ERRFI1: variants seen among roughly 807,000 people sequenced by gnomAD.
ERRFI1 encodes the protein mitogen-inducible gene 6 protein.
In ERRFI1, 12 loss-of-function variants were observed where a neutral mutation model predicts 14.6. The observed-to-expected ratio is 0.82, with a 90% CI of 0.53 to 1.33. ERRFI1 has a LOEUF of 1.33. Ranked by LOEUF, ERRFI1 falls within the 40% of genes most tolerant of loss-of-function variation. The pLI, the probability that ERRFI1 is intolerant of heterozygous loss-of-function variation, is 0.00. For synonymous variants in ERRFI1, 202 were observed against 209.9 expected (o/e 0.96, Z 0.32); for missense variants, 482 against 572.1 (o/e 0.84, Z 1.61).
rs1641127934 is a variant in ERRFI1, at chr1:8,013,762, G to A, written c.837C>T (p.Asp279=). ...IHRASPNSDE[D]KPEVPPRVPI... is the part of the protein sequence containing the mutation. Reference sequence around the variant, plus strand: ...GAACTCTGGGGGGAACCTCAGGTTTGTCTTCATCGGAGTTAGGAGAAGCTC... The same window carrying A: ...GAACTCTGGGGGGAACCTCAGGTTTATCTTCATCGGAGTTAGGAGAAGCTC... The change falls in exon 4 of 4, where the codon GAC becomes GAT. Residue 279 remains aspartate (D), a synonymous_variant. Transcript: ENST00000377482. This position sits in a 1 kb window ranked among gnomAD's most constrained non-coding sequence, Gnocchi z 4.3. The A allele has an allele frequency of 1.2e-6, 2 of 1,614,060 alleles. No individual in the cohort carries two copies. The highest frequency in any genetic ancestry group is 2.2e-5 in the East Asian group (1 of 44,898).
rs1422720419 is a variant in ERRFI1, at chr1:8,013,734, T to C, written c.865A>G (p.Ile289Val). The change falls in exon 4 of 4, where the codon ATA (isoleucine) becomes GTA (valine). Residue 289 changes from isoleucine to valine, a missense_variant. Ile to Val is a conservative substitution (Grantham distance 29, BLOSUM62 3). Transcript: ENST00000377482. The surrounding 1 kb of genome is among the most constrained non-coding windows in gnomAD (Gnocchi z 4.3). ...TCTGGCTTTACTGGTCTAGGAGGTA[T>C]GGGAACTCTGGGGGGAACCTCAGGT... ...DKPEVPPRVP[I>V]PPRPVKPDYR... 2 of 1,614,146 alleles carry C rather than the reference T, an allele frequency of 1.2e-6. No homozygotes were observed. Among genetic ancestry groups the C allele is most frequent in the Admixed American group, 1.7e-5 (1 of 60,000 alleles).
In ERRFI1 at chr1:8,013,465, G is replaced by A. The variant is rs2124055621; in HGVS notation, c.1134C>T (p.Cys378=). The change falls in exon 4 of 4, where the codon TGC becomes TGT. Residue 378 remains cysteine, a synonymous_variant. Transcript: ENST00000377482. This position sits in a 1 kb window ranked among gnomAD's most constrained non-coding sequence, Gnocchi z 4.3. ...NSEGSASKVP[C]ILPIIENGKK... is the part of the protein sequence containing the mutation. ...TCCCATTTTCAATAATGGGCAGAAT[G>A]CAAGGAACCTTACTGGCAGATCCTT... 1 of 1,614,172 alleles carries A rather than the reference G, an allele frequency of 6.2e-7. No homozygotes were observed. Among genetic ancestry groups the A allele is most frequent in the Non-Finnish European group, 8.5e-7 (1 of 1,180,020 alleles).
Position 8,015,539 on chromosome 1 carries a change from C to G in ERRFI1, c.81G>C (p.Gly27=). ...TGCTCCAGTAGGTCTTCCTCATATT[C>G]CCCATGGCTCGGCCATTATGTAGAA... ...TGFLHNGRAM[G]NMRKTYWSSR... The change falls in exon 2 of 4, where the codon GGG becomes GGC. Residue 27 remains glycine (G), a synonymous_variant. Transcript: ENST00000377482. The G allele has an allele frequency of 6.2e-7, 1 of 1,614,168 alleles. No homozygotes were observed. The highest frequency in any genetic ancestry group is 8.5e-7 in the Non-Finnish European group (1 of 1,180,010).
In ERRFI1 at chr1:8,013,555, C is replaced by T. The variant is rs138370554; in HGVS notation, c.1044G>A (p.Pro348=). 42 of 1,613,878 alleles carry T rather than the reference C, an allele frequency of 2.6e-5. No homozygotes were observed. Among genetic ancestry groups the T allele is most frequent in the South Asian group, 1.9e-4 (17 of 91,064 alleles). ...TGGGATCAGGGGCAAAGCTCTGTGTCGGGGGCATGACCCCATTGAGGTAAG... is the reference window on the plus strand; with the variant it reads ...TGGGATCAGGGGCAAAGCTCTGTGTTGGGGGCATGACCCCATTGAGGTAAG... ...LPSYLNGVMP[P]TQSFAPDPKY... Residue 348 remains proline, a synonymous_variant, in exon 4 of 4, where the codon CCG becomes CCA. Coordinates refer to ENST00000377482, the MANE Select transcript of ERRFI1 (RefSeq NM_018948.4). This position sits in a 1 kb window ranked among gnomAD's most constrained non-coding sequence, Gnocchi z 4.3.
rs762102577 is a variant in ERRFI1, at chr1:8,015,482, A to G, written c.125+13T>C. The G allele has an allele frequency of 8.7e-6, 14 of 1,614,008 alleles. No homozygotes were observed. In the South Asian group the frequency reaches 1.4e-4, roughly 16 times the overall value. ...TTTATCCAGATTACAGCAGCATTACATCCTCTACTTACTTTTTAAACTCAC... is the reference window on the plus strand; with the variant it reads ...TTTATCCAGATTACAGCAGCATTACGTCCTCTACTTACTTTTTAAACTCAC... On this transcript the variant is annotated intron_variant, in intron 2 of 3. Transcript: ENST00000377482.
chr1:8,022,138 C>G (rs1170504306), intron 1 of ERRFI1, among the ~76,000 whole-genome samples: 2 of 152,154 alleles, frequency 1.3e-5, no homozygotes, highest in African/African-American at 4.8e-5. Context: ...GTTAAGGCAT[C>G]AATTTGACAT....
In ERRFI1 at chr1:8,014,291, A is replaced by C. The variant is rs761633767; in HGVS notation, c.308T>G (p.Leu103Trp). 4 of 1,614,098 alleles carry C rather than the reference A, an allele frequency of 2.5e-6. No individual in the cohort carries two copies. Among genetic ancestry groups the C allele is most frequent in the Non-Finnish European group, 3.4e-6 (4 of 1,179,966 alleles). ...AACTTGATCCTCTTCATGTGGTCCCAAGTTTTCACTTGGGGGAATAAGAAG... is the reference window on the plus strand; with the variant it reads ...AACTTGATCCTCTTCATGTGGTCCCCAGTTTTCACTTGGGGGAATAAGAAG... ...PPLLIPPSEN[L>W]GPHEEDQVVC... The change falls in exon 4 of 4, where the codon TTG becomes TGG. Residue 103 changes from leucine (L) to tryptophan (W), a missense_variant. Physicochemically the swap from Leu to Trp is moderately conservative, Grantham distance 61. Coordinates refer to ENST00000377482, the MANE Select transcript of ERRFI1 (RefSeq NM_018948.4).
chr1:8,014,018 T>C lies in ERRFI1; in HGVS notation c.581A>G (p.Asp194Gly). The change falls in exon 4 of 4, where the codon GAT becomes GGT. Residue 194 changes from aspartate to glycine, a missense_variant. By Grantham distance (94) the Asp-to-Gly change is moderately conservative. Coordinates refer to ENST00000377482, the MANE Select transcript of ERRFI1 (RefSeq NM_018948.4). ...ACGGAAGCTTCGCCTGCCAGGAACATCATATTTGAAATCAGAAAGTGTAGA... is the reference window on the plus strand; with the variant it reads ...ACGGAAGCTTCGCCTGCCAGGAACACCATATTTGAAATCAGAAAGTGTAGA... Reference protein sequence around the residue: ...EDSTLSDFKYDVPGRRSFRGC... With the variant: ...EDSTLSDFKYGVPGRRSFRGC... 3 of 1,614,106 alleles carry C rather than the reference T, an allele frequency of 1.9e-6. No homozygotes were observed. The highest frequency in any genetic ancestry group is 1.7e-6 in the Non-Finnish European group (2 of 1,180,030).
intron 1 of ERRFI1, among the ~76,000 whole-genome samples, chr1:8,021,496 T>C (rs1488426804): frequency 2.0e-5 from 3 of 152,188 alleles, no homozygotes; most frequent in African/African-American, 7.2e-5. Context: ...CATATAACAA[T>C]AGATTATTTC....
chr1:8,013,093 G>A lies in ERRFI1; in HGVS notation c.*117C>T. On this transcript the variant is annotated 3_prime_UTR_variant, in exon 4 of 4. Transcript: ENST00000377482. The surrounding 1 kb of genome is among the most constrained non-coding windows in gnomAD (Gnocchi z 4.3). ...GCTCTAAACCTTCCACATGAAGACA[G>A]AGAGTTCAACTATTTTATTTTGCAA... is the stretch of plus-strand genomic sequence containing the variant. 1 of 871,096 alleles carries A rather than the reference G, an allele frequency of 1.1e-6. No individual in the cohort carries two copies. The highest frequency in any genetic ancestry group is 1.8e-6 in the Non-Finnish European group (1 of 570,172). 54.0% of individuals were successfully genotyped at this position (871,096 alleles called of 1,614,324 possible). A position where few individuals can be genotyped will look rare whatever the true frequency, so the allele number is the denominator to read the frequency against.
chr1:8,020,521 T>C (rs1336584618), intron 1 of ERRFI1, among the ~76,000 whole-genome samples: 1 of 151,422 alleles, frequency 6.6e-6, no homozygotes, highest in Non-Finnish European at 1.5e-5. Context: ...TGTGAGGAAA[T>C]TAAAACAAAC....
rs1641140777 is a variant in ERRFI1 at position 8,014,341 on chromosome 1, T to C, written c.258A>G (p.Pro86=). 3.1e-6 allele frequency: 5 copies of C among 1,609,874 alleles called. No individual in the cohort carries two copies. Among genetic ancestry groups the C allele is most frequent in the Non-Finnish European group, 4.2e-6 (5 of 1,177,584 alleles). The change falls in exon 4 of 4, where the codon CCA becomes CCG. Residue 86 remains proline, a synonymous_variant. Transcript: ENST00000377482. The stretch of plus-strand genomic sequence containing the variant: ...GAGGGGGCAAGCTGGACTTTTGAGA[T>C]GGACCATTTTCTGCAAAGCAGTGGC... ...MNGHCFAENG[P]SQKSSLPPLL...
upstream of ERRFI1, chr1:8,026,309 C>CGCCGCGGCT (rs1641351605): frequency 6.5e-6 from 1 of 152,830 alleles, no homozygotes; most frequent in Non-Finnish European, 1.5e-5. Context: ...GGACCGCCGT[C>CGCCGCGGCT]GCCGCGGCTG....
chr1:8,020,867 T>C (rs1449262738), intron 1 of ERRFI1, among the ~76,000 whole-genome samples: 1 of 152,126 alleles, frequency 6.6e-6, no homozygotes, highest in African/African-American at 2.4e-5. Flanking sequence ...TAATAGCCTA[T>C]GATTTAGGTA....
chr1:8,016,769 G>A (rs1641179594), intron 1 of ERRFI1, among the ~76,000 whole-genome samples: 1 of 152,060 alleles, frequency 6.6e-6, no homozygotes, highest in African/African-American at 2.4e-5. Flanking sequence ...TCTTTAACAC[G>A]ATCTCATTCT....
intron 1 of ERRFI1, among the ~76,000 whole-genome samples, chr1:8,016,067 T>G (rs545137476): frequency 6.6e-6 from 1 of 152,304 alleles, no homozygotes; most frequent in African/African-American, 2.4e-5. Context: ...GCACTGGGCA[T>G]GAAGCACCAG....
intron 3 of ERRFI1, 133 bp downstream of exon 3, chr1:8,015,175 C>T (rs1641154925): frequency 4.1e-6 from 3 of 726,954 alleles, no homozygotes; most frequent in Non-Finnish European, 4.7e-6. Context: ...AATCTGTTGC[C>T]ACTAGGGGTC....
At chr1:8,024,644 A>C (rs1260013958) in intron 1 of ERRFI1, among the ~76,000 whole-genome samples, 1 of 152,222 alleles carries the variant, frequency 6.6e-6, no homozygotes, top group Non-Finnish European at 1.5e-5. Context: ...ACAGGTGAAA[A>C]TAAACTTCTG....
At chr1:8,023,632 T>C (rs984748818) in intron 1 of ERRFI1, among the ~76,000 whole-genome samples, 1 of 152,208 alleles carries the variant, frequency 6.6e-6, no homozygotes, top group Non-Finnish European at 1.5e-5. Flanking sequence ...AGTGGTCTTT[T>C]CGTAATATTG....
Sources: allele counts gnomAD v4.1 joint callset (sites outside exome capture counted in the v4.1 genomes callset), GRCh38; gene constraint gnomAD v4.1.1; non-coding constraint Gnocchi (gnomAD v3.1); transcripts MANE v1.5; gene names NCBI Gene and HGNC (gene_info 2026-07-23, HGNC 2026-07-21).